Variants in WWOX observed in about 807,000 individuals in gnomAD.
WWOX encodes WW domain-containing oxidoreductase.
A neutral mutation model predicts 46.2 loss-of-function variants in WWOX; 69 were observed. The ratio of observed to expected loss-of-function variants is 1.49; its 90% CI spans 1.23 to 1.82. WWOX has a LOEUF of 1.82. Ranked by LOEUF, WWOX falls within the 40% of genes most tolerant of loss-of-function variation. The pLI is 0.00. For synonymous variants in WWOX, 359 were observed against 202.6 expected, an observed-to-expected ratio of 1.77 and a Z score of -6.56; for missense variants, 919 against 542.6, an observed-to-expected ratio of 1.69 and a Z score of -6.89.
At chr16:78,530,235 C>G (rs1007374711) in intron 8 of WWOX, among the ~76,000 whole-genome samples, 1 of 152,124 alleles carries the variant, frequency 6.6e-6, no homozygotes, top group African/African-American at 2.4e-5. Flanking sequence ...TTTAGTTTTG[C>G]CATCCACGGA....
chr16:78,727,917 G>T (rs576999680), intron 8 of WWOX, among the ~76,000 whole-genome samples: 2 of 152,140 alleles, frequency 1.3e-5, no homozygotes, highest in South Asian at 2.1e-4. Context: ...TTGTTTATCT[G>T]GGTCATTTTT....
chr16:78,207,321 A>G (rs2036425355), intron 5 of WWOX, among the ~76,000 whole-genome samples: 1 of 152,204 alleles, frequency 6.6e-6, no homozygotes, highest in Non-Finnish European at 1.5e-5. Flanking sequence ...ATTATTACAT[A>G]TCTGTATCAT....
At chr16:78,751,999 T>C (rs2049493853) in intron 8 of WWOX, among the ~76,000 whole-genome samples, 1 of 82,460 alleles carries the variant, frequency 1.2e-5, no homozygotes, top group African/African-American at 4.9e-5. Flanking sequence ...ATTGGCATTT[T>C]TCTTTAAATA....
chr16:78,723,632 TTC>T (rs2048753180), intron 8 of WWOX, among the ~76,000 whole-genome samples: 1 of 115,228 alleles, frequency 8.7e-6, no homozygotes, highest in African/African-American at 3.8e-5. Flanking sequence ...CTTTTCTTTT[TTC>T]TTTTCTTTTC....
chr16:78,413,789 C>G (rs910669234), intron 6 of WWOX, among the ~76,000 whole-genome samples: 1 of 151,980 alleles, frequency 6.6e-6, no homozygotes, highest in African/African-American at 2.4e-5. Context: ...GGCCAAAGGA[C>G]TGGTTGGCAG....
Position 79,211,617 on chromosome 16 carries a change from G to A in WWOX, c.1066G>A (p.Ala356Thr), listed in dbSNP as rs767667847. The change falls in exon 9 of 9, where the codon GCT (alanine) becomes ACT (threonine). Residue 356 changes from alanine (A) to threonine (T), a missense_variant. Ala to Thr is a moderately conservative substitution (Grantham distance 58, BLOSUM62 0). Coordinates refer to ENST00000566780, the MANE Select transcript of WWOX (RefSeq NM_016373.4). ...CTTCTTGGATTTCCAGCAACAGGGA[G>A]CTGCCACCACCGTGTACTGTGCTGC... ...RPFTKSMQQGAATTVYCAAVP... is the reference protein window; with the variant it reads ...RPFTKSMQQGTATTVYCAAVP... 48 of 1,614,086 alleles carry A rather than the reference G, an allele frequency of 3.0e-5. No individual in the cohort carries two copies. The highest frequency in any genetic ancestry group is 2.0e-4 in the Admixed American group (12 of 60,004).
At chr16:78,265,109 T>C (rs1301434177) in intron 5 of WWOX, among the ~76,000 whole-genome samples, 9 of 151,320 alleles carry the variant, frequency 5.9e-5, no homozygotes, top group African/African-American at 2.2e-4. Flanking sequence ...CAAGTGATTC[T>C]CCTTCTTCAG....
chr16:78,181,014 G>T (rs972650547), intron 5 of WWOX, among the ~76,000 whole-genome samples: 5 of 152,146 alleles, frequency 3.3e-5, no homozygotes, highest in Non-Finnish European at 7.3e-5. Context: ...AACCCAGCTT[G>T]GGTTGGCTTT....
intron 5 of WWOX, among the ~76,000 whole-genome samples, chr16:78,384,158 G>A (rs1597139215): frequency 6.6e-6 from 1 of 152,216 alleles, no homozygotes; most frequent in Middle Eastern, 3.4e-3. Context: ...TATCCCTTGG[G>A]GTTTCCACTG....
intron 8 of WWOX, among the ~76,000 whole-genome samples, chr16:78,754,786 G>A (rs911108183): frequency 3.3e-5 from 5 of 152,106 alleles, no homozygotes; most frequent in Admixed American, 3.3e-4. Context: ...TGAATGAGAT[G>A]ACCTCTAAGG....
At position 78,640,161 on chromosome 16, in the gene WWOX, G is replaced by C. The variant is rs141159147; in HGVS notation, c.1056+207409G>C. Among the ~76,000 whole-genome samples, 289 of 151,096 alleles carry C rather than the reference G, an allele frequency of 1.9e-3. 1 individual carries two copies. Among genetic ancestry groups the C allele is most frequent in the African/African-American group, 6.8e-3 (279 of 41,108 alleles). ...GGAGGGAGGCCGATAGAGAGTGTCT[G>C]GAGTTGCCAACGTCCTCTCCTTGGG... is the stretch of plus-strand genomic sequence containing the variant. On this transcript the variant is annotated intron_variant, in intron 8 of 8. Transcript: ENST00000566780.
At chr16:78,589,595 T>TA (rs1366391357) in intron 8 of WWOX, among the ~76,000 whole-genome samples, 1 of 152,166 alleles carries the variant, frequency 6.6e-6, no homozygotes, top group Non-Finnish European at 1.5e-5. Flanking sequence ...TTGGTTAAGT[T>TA]ACAGTAGAGA....
At chr16:78,658,455 G>C (rs2047131210) in intron 8 of WWOX, among the ~76,000 whole-genome samples, 1 of 152,246 alleles carries the variant, frequency 6.6e-6, no homozygotes, top group South Asian at 2.1e-4. Flanking sequence ...CCATAGACTA[G>C]ATAGCTTGAA....
At position 78,483,545 on chromosome 16, in the gene WWOX, C is replaced by T. The variant is rs574389916; in HGVS notation, c.1056+50793C>T. Among the ~76,000 whole-genome samples, 15 of 151,896 alleles carry T rather than the reference C, an allele frequency of 9.9e-5. No homozygotes were observed. In the South Asian group the frequency reaches 2.3e-3, roughly 23 times the overall value. On this transcript the variant is annotated intron_variant, in intron 8 of 8. Transcript: ENST00000566780. The stretch of plus-strand genomic sequence containing the variant: ...TGTGCTAGCTGATTGCCAACAGAAC[C>T]GGCCTTTCCCAGTGGTGCTGTACGC...
At chr16:78,177,947 C>A (rs920205226) in intron 5 of WWOX, among the ~76,000 whole-genome samples, 28 of 152,198 alleles carry the variant, frequency 1.8e-4, no homozygotes, top group Non-Finnish European at 7.3e-5. Flanking sequence ...TAAAAATAAT[C>A]ATCCCTTTCA....
chr16:79,061,901 A>G (rs1011538587), intron 8 of WWOX, among the ~76,000 whole-genome samples: 4 of 152,230 alleles, frequency 2.6e-5, no homozygotes, highest in Non-Finnish European at 1.5e-5. Flanking sequence ...CATACATGGA[A>G]TGTACAGTAA....
intron 8 of WWOX, among the ~76,000 whole-genome samples, chr16:78,790,941 C>T (rs1160567882): frequency 6.8e-6 from 1 of 146,022 alleles, no homozygotes; most frequent in African/African-American, 2.6e-5. Flanking sequence ...ATCACCTGAG[C>T]CCAGGAGATG....
intron 5 of WWOX, among the ~76,000 whole-genome samples, chr16:78,308,007 G>A (rs1567490052): frequency 6.6e-6 from 1 of 152,214 alleles, no homozygotes; most frequent in South Asian, 2.1e-4. Flanking sequence ...GAGGAAGGGG[G>A]CTGAAGTTGA....
intron 8 of WWOX, among the ~76,000 whole-genome samples, chr16:78,476,405 A>T (rs1045999861): frequency 8.5e-5 from 13 of 152,164 alleles, no homozygotes; most frequent in Non-Finnish European, 1.6e-4. Context: ...GAATTGAACA[A>T]TGAGAACAGT....
Sources: allele counts gnomAD v4.1 joint callset (sites outside exome capture counted in the v4.1 genomes callset), GRCh38; gene constraint gnomAD v4.1.1; transcripts MANE v1.5; gene names NCBI Gene and HGNC (gene_info 2026-07-23, HGNC 2026-07-21).